Variants in UBA1 observed in about 807,000 individuals in gnomAD.
UBA1 encodes the protein ubiquitin like modifier activating enzyme 1.
Under a neutral mutation model 84.7 loss-of-function variants are expected in UBA1, and 4 were observed. The ratio of observed to expected loss-of-function variants is 0.05; its 90% CI spans 0.02 to 0.11. UBA1 has a LOEUF of 0.11. Among genes scored for constraint, UBA1 ranks in the 10% least tolerant of loss-of-function variants. The probability of loss-of-function intolerance (pLI) is 1.00; values close to 1 mark genes in which losing one functional copy is unlikely to be tolerated. For synonymous variants in UBA1, 364 were observed against 362.6 expected, an observed-to-expected ratio of 1.00 and a Z score of -0.04; for missense variants, 513 against 902.8, an observed-to-expected ratio of 0.57 and a Z score of 5.53.
chrX:47,202,299 G>A, intron 9 of UBA1, 46 bp downstream of exon 9: 1 of 1,206,277 alleles, frequency 8.3e-7, no homozygotes, highest in African/African-American at 1.7e-5. Flanking sequence ...GTGGTTCTAG[G>A]CATTCCCTAG....
chrX:47,191,278 T>C (rs1216413905), upstream of UBA1: 1 of 111,684 alleles, frequency 9.0e-6, no homozygotes, highest in Non-Finnish European at 1.9e-5. Flanking sequence ...TTGAGGTTAC[T>C]AAAGTCAAGG....
intron 1 of UBA1, chrX:47,197,361 T>G: frequency 5.3e-6 from 4 of 755,098 alleles, no homozygotes; most frequent in Non-Finnish European, 6.3e-6. Context: ...CCCTTTCCTC[T>G]TTGATTGACA....
chrX:47,197,143 G>A, intron 1 of UBA1: 1 of 754,852 alleles, frequency 1.3e-6, no homozygotes, highest in South Asian at 6.7e-5. Context: ...GGCTATCTCA[G>A]GGGCTCCAGC....
Position 47,203,152 on chromosome X carries a change from G to A in UBA1, c.1357G>A (p.Gly453Arg), listed in dbSNP as rs782503672. The change falls in exon 13 of 26, where the codon GGG (glycine) becomes AGG (arginine). Residue 453 changes from glycine (G) to arginine (R), a missense_variant. Transcript: ENST00000335972. Reference protein sequence around the residue: ...KCLQRQNRYDGQVAVFGSDLQ... With the variant: ...KCLQRQNRYDRQVAVFGSDLQ... ...TCCTTAGCGCCAGAACCGTTATGAC[G>A]GGCAAGTGGCTGTGTTTGGCTCAGA... is the stretch of plus-strand genomic sequence containing the variant. 8.3e-7 allele frequency: 1 copy of A among 1,211,757 alleles called. No homozygotes were observed. Among genetic ancestry groups the A allele is most frequent in the Non-Finnish European group, 1.1e-6 (1 of 895,540 alleles).
chrX:47,196,203 C>T (rs1172702875), intron 1 of UBA1, among the ~76,000 whole-genome samples: 2 of 111,447 alleles, frequency 1.8e-5, no homozygotes, highest in Non-Finnish European at 3.8e-5. Flanking sequence ...CTTTCCCTCC[C>T]AGGACTTCTA....
intron 16 of UBA1, 36 bp downstream of exon 16, chrX:47,206,480 ATC>A: frequency 8.4e-7 from 1 of 1,189,609 alleles, no homozygotes; most frequent in Non-Finnish European, 1.1e-6. Context: ...GAGGCCAGGC[ATC>A]TGGCCAGGCT....
intron 1 of UBA1, chrX:47,197,892 C>G (rs1205419817): frequency 2.8e-6 from 2 of 706,710 alleles, no homozygotes; most frequent in African/African-American, 2.3e-5. Flanking sequence ...CAGTCCAAAC[C>G]CCACAGGAGT....
intron 1 of UBA1, among the ~76,000 whole-genome samples, chrX:47,196,598 C>T (rs1936214511): frequency 9.2e-6 from 1 of 108,120 alleles, no homozygotes; most frequent in South Asian, 4.0e-4. Flanking sequence ...GGTGGGGGAT[C>T]TTTAGCTCCT....
rs782703384 is a variant in UBA1, at chrX:47,198,895, C to T, written c.93C>T (p.Ser31=). 1.5e-5 allele frequency: 18 copies of T among 1,210,554 alleles called. No individual in the cohort carries two copies. The highest frequency in any genetic ancestry group is 2.3e-4 in the Middle Eastern group (1 of 4,377). Residue 31 remains serine, a synonymous_variant, in exon 2 of 26, where the codon TCC becomes TCT. Coordinates refer to ENST00000335972, the MANE Select transcript of UBA1 (RefSeq NM_003334.4). ...GCTCCCCTGCCCAGTCCGTGTTGTC[C>T]GAAGTGCCCTCGGTGCCAACCAACG... The part of the protein sequence containing the change: ...SNCSPAQSVL[S]EVPSVPTNGM...
chrX:47,211,376 A>G (rs1556793375), intron 20 of UBA1, 151 bp downstream of exon 20: 3 of 660,466 alleles, frequency 4.5e-6, no homozygotes, highest in African/African-American at 2.2e-5. Flanking sequence ...TCCCTTTGAC[A>G]TGAAGAGGGT....
intron 15 of UBA1, 25 bp from the exon 16 acceptor site, chrX:47,206,223 A>G: frequency 8.4e-7 from 1 of 1,191,485 alleles, no homozygotes; most frequent in African/African-American, 1.8e-5. Flanking sequence ...TTTCTTTCCT[A>G]GCTCTCGCTT....
At chrX:47,196,404 C>A (rs782032228) in intron 1 of UBA1, among the ~76,000 whole-genome samples, 2 of 111,544 alleles carry the variant, frequency 1.8e-5, no homozygotes, top group African/African-American at 3.3e-5. Flanking sequence ...AAGACTCCTC[C>A]CTCAAACCCT....
chrX:47,197,801 CAG>C, intron 1 of UBA1: 1 of 439,872 alleles, frequency 2.3e-6, no homozygotes, highest in Non-Finnish European at 2.9e-6. Context: ...GGTCCCAGCT[CAG>C]TGTGTGGGAA....
chrX:47,209,816 C>T (rs1170696385), intron 17 of UBA1, 112 bp from the exon 18 acceptor site: 1 of 1,083,737 alleles, frequency 9.2e-7, no homozygotes, highest in African/African-American at 1.8e-5. Flanking sequence ...GTTGGGGCCT[C>T]ATGTTGTTTG....
rs1556794629 is a variant in UBA1, at chrX:47,214,518, G to A, written c.2941-19G>A. The A allele has an allele frequency of 2.5e-6, 3 of 1,206,822 alleles. No individual in the cohort carries two copies. Among genetic ancestry groups the A allele is most frequent in the East Asian group, 3.0e-5 (1 of 33,814 alleles). The stretch of plus-strand genomic sequence containing the variant: ...GCCTGTCCACCTCCATGACCCTGCT[G>A]TTCCCCCTCCCTCTCCAGACAGAGC... On this transcript the variant is annotated intron_variant, in intron 24 of 25. Transcript: ENST00000335972.
intron 1 of UBA1, among the ~76,000 whole-genome samples, chrX:47,195,470 C>G (rs782718425): frequency 9.0e-6 from 1 of 110,915 alleles, no homozygotes; most frequent in Non-Finnish European, 1.9e-5. Flanking sequence ...AGGCTGGTCT[C>G]GAACTCCTGA....
chrX:47,200,256 G>A (rs1485902139), intron 5 of UBA1, among the ~76,000 whole-genome samples: 1 of 112,306 alleles, frequency 8.9e-6, no homozygotes, highest in Non-Finnish European at 1.9e-5. Flanking sequence ...TAGTCAGTGC[G>A]TGGTAGCAGC....
chrX:47,209,543 C>G, intron 16 of UBA1, 80 bp from the exon 17 acceptor site: 1 of 943,907 alleles, frequency 1.1e-6, no homozygotes, highest in Non-Finnish European at 1.5e-6. Context: ...GCTTTATTCA[C>G]TGATGGTCCT....
rs782524260 is a variant in UBA1, at chrX:47,212,855, C to T, written c.2638C>T (p.Arg880Trp). Residue 880 changes from arginine to tryptophan, a missense_variant, in exon 22 of 26, where the codon CGG (arginine) becomes TGG (tryptophan). Physicochemically the swap from Arg to Trp is moderately radical, Grantham distance 101. Transcript: ENST00000335972. ...AENYDIPSAD[R>W]HKSKLIAGKI... ...AAACTATGACATTCCTTCTGCAGAC[C>T]GGCACAAGGTGAGGGGAATCTAAAT... 9.1e-6 allele frequency: 11 copies of T among 1,211,261 alleles called. No individual in the cohort carries two copies. Among genetic ancestry groups the T allele is most frequent in the East Asian group, 3.0e-5 (1 of 33,857 alleles).
Sources: gnomAD v4.1 joint callset for allele counts (sites outside exome capture counted in the v4.1 genomes callset) on GRCh38, gnomAD v4.1.1 for gene constraint, MANE v1.5 for transcripts, NCBI Gene and HGNC (gene_info 2026-07-23, HGNC 2026-07-21) for gene names.